Variants in MOCOS observed in about 807,000 individuals in gnomAD.
MOCOS encodes molybdenum cofactor sulfurase, also known as human molybdenum cofactor sulfurase.
A neutral mutation model predicts 83.6 loss-of-function variants in MOCOS; 86 were observed. The observed-to-expected ratio is 1.03, with a 90% confidence interval of 0.86 to 1.23. MOCOS has a LOEUF of 1.23. Among genes scored for constraint, MOCOS ranks in the 50% most tolerant of loss-of-function variants. The pLI, the probability that MOCOS is intolerant of heterozygous loss-of-function variation, is 0.00. For missense variants in MOCOS, 1,120 were observed against 1,126.9 expected, an observed-to-expected ratio of 0.99 and a Z score of 0.09; for synonymous variants, 445 against 434.7, an observed-to-expected ratio of 1.02 and a Z score of -0.29.
In MOCOS at chr18:36,187,917, G is replaced by T. The variant is rs185670285; in HGVS notation, c.142+236G>T. On this transcript the variant is annotated intron_variant, in intron 1 of 14. Transcript: ENST00000261326. ...CTTTCCGGTGGGCAGGACCAACCTA[G>T]CCGTCTTCCCCTTTTCCCGCCCTCC... Among the ~76,000 whole-genome samples the T allele has an allele frequency of 3.3e-3, 501 of 152,330 alleles. 2 individuals are homozygous for T. Among genetic ancestry groups the T allele is most frequent in the Non-Finnish European group, 5.7e-3 (389 of 68,032 alleles).
At chr18:36,198,088 T>C (rs1229258910) in intron 2 of MOCOS, among the ~76,000 whole-genome samples, 2 of 152,096 alleles carry the variant, frequency 1.3e-5, no homozygotes, top group Non-Finnish European at 2.9e-5. Flanking sequence ...TTCCTTTTTA[T>C]TGGCAAATAA....
In MOCOS at chr18:36,199,960, C is replaced by A; in HGVS notation, c.577C>A (p.Gln193Lys). The change falls in exon 4 of 15, where the codon CAG becomes AAG. Residue 193 changes from glutamine to lysine, a missense_variant. By Grantham distance (53) the Gln-to-Lys change is moderately conservative (BLOSUM62 1). Transcript: ENST00000261326. The stretch of plus-strand genomic sequence containing the variant: ...TGCTTCAGCCAGCAACCCAGACTGC[C>A]AGCTGCCGCATCTCTTCTGCTACCC... The part of the protein sequence containing the change: ...RSASASNPDC[Q>K]LPHLFCYPAQ... 2 of 1,614,238 alleles carry A rather than the reference C, an allele frequency of 1.2e-6. No homozygotes were observed. The highest frequency in any genetic ancestry group is 1.7e-6 in the Non-Finnish European group (2 of 1,180,048).
chr18:36,228,684 G>T (rs920138413), intron 9 of MOCOS, among the ~76,000 whole-genome samples: 3 of 152,126 alleles, frequency 2.0e-5, no homozygotes, highest in Non-Finnish European at 4.4e-5. Context: ...CTACAGGAGG[G>T]TGGAGGGTGG....
chr18:36,218,490 A>G (rs1310000760), intron 8 of MOCOS, among the ~76,000 whole-genome samples: 4 of 151,740 alleles, frequency 2.6e-5, no homozygotes, highest in South Asian at 2.1e-4. Context: ...CTTACTTGCT[A>G]CTCACTTTAT....
At chr18:36,210,885 CTG>C (rs1312924854) in intron 6 of MOCOS, among the ~76,000 whole-genome samples, 1 of 71,470 alleles carries the variant, frequency 1.4e-5, no homozygotes, top group African/African-American at 4.8e-5. Context: ...AAAAAAGTAA[CTG>C]TGTGTGCTGT....
chr18:36,200,101 G>A lies in MOCOS; in HGVS notation c.718G>A (p.Ala240Thr), dbSNP rs887056092. Residue 240 changes from alanine (A) to threonine (T), a missense_variant, in exon 4 of 15, where the codon GCC becomes ACC. Physicochemically the swap from Ala to Thr is moderately conservative, Grantham distance 58. Transcript: ENST00000261326. ...PGKWFVLLDA[A>T]SYVSTSPLDL... ...GAAGTGGTTTGTGCTGCTGGATGCAGCCTCCTACGTGAGCACCTCGCCTTT... is the reference window on the plus strand; with the variant it reads ...GAAGTGGTTTGTGCTGCTGGATGCAACCTCCTACGTGAGCACCTCGCCTTT... 2 of 1,614,240 alleles carry A rather than the reference G, an allele frequency of 1.2e-6. No homozygotes were observed. The highest frequency in any genetic ancestry group is 1.7e-6 in the Non-Finnish European group (2 of 1,180,040).
At chr18:36,262,720 A>G (rs1438685890) in intron 13 of MOCOS, among the ~76,000 whole-genome samples, 1 of 151,970 alleles carries the variant, frequency 6.6e-6, no homozygotes, top group Non-Finnish European at 1.5e-5. Context: ...ACTGGTTTCA[A>G]CCTCCTGGGC....
intron 7 of MOCOS, among the ~76,000 whole-genome samples, chr18:36,214,363 T>G (rs2144915565): frequency 6.7e-6 from 1 of 149,610 alleles, no homozygotes; most frequent in African/African-American, 2.5e-5. Flanking sequence ...AAGGGAGGGG[T>G]GTTAACAAGG....
chr18:36,205,151 T>C lies in MOCOS; in HGVS notation c.1093T>C (p.Tyr365His), dbSNP rs753847410. 2.5e-6 allele frequency: 4 copies of C among 1,613,840 alleles called. No homozygotes were observed. The highest frequency in any genetic ancestry group is 1.7e-5 in the Admixed American group (1 of 60,006). The change falls in exon 6 of 15, where the codon TAC becomes CAC. Residue 365 changes from tyrosine to histidine, a missense_variant. Physicochemically the swap from Tyr to His is moderately conservative, Grantham distance 83. Coordinates refer to ENST00000261326, the MANE Select transcript of MOCOS (RefSeq NM_017947.4). ...CTACGTGGCCCTGTCCTCTCTCCAG[T>C]ACCCCAATGGAGCCCCTGTGGTGCG... ...YTYVALSSLQ[Y>H]PNGAPVVRIY...
At chr18:36,214,773 G>C (rs1336643857) in intron 7 of MOCOS, among the ~76,000 whole-genome samples, 1 of 152,148 alleles carries the variant, frequency 6.6e-6, no homozygotes, top group Non-Finnish European at 1.5e-5. Flanking sequence ...TAGAGAGGGA[G>C]AGGGAGGCTC....
chr18:36,202,779 G>A (rs980755661), intron 4 of MOCOS, among the ~76,000 whole-genome samples: 2 of 152,176 alleles, frequency 1.3e-5, no homozygotes, highest in Non-Finnish European at 2.9e-5. Context: ...ATGGCGGAAA[G>A]GGAAGCAGGC....
In MOCOS at chr18:36,257,133, G is replaced by A. The variant is rs1779816274; in HGVS notation, c.2270+60G>A. ...ATAACCATTTGCCACTGGGAGCAGG[G>A]CCTGGCACCTGCCTGGAGCGGAGAG... On this transcript the variant is annotated intron_variant, in intron 12 of 14. Coordinates refer to ENST00000261326, the MANE Select transcript of MOCOS (RefSeq NM_017947.4). 4.1e-5 allele frequency: 57 copies of A among 1,405,104 alleles called. 4 individuals carry two copies. In the South Asian group the frequency reaches 6.2e-4, roughly 15 times the overall value. 87.0% of individuals were successfully genotyped at this position (1,405,104 alleles called of 1,614,324 possible).
Position 36,215,861 on chromosome 18 carries a change from G to A in MOCOS, c.1681G>A (p.Ala561Thr), listed in dbSNP as rs577502738. 1.4e-4 allele frequency: 230 copies of A among 1,614,158 alleles called. No homozygotes were observed. The East Asian group carries it at 2.9e-3, about 20-fold the overall frequency. ...TGTGGCCCCACCTGTGTGTGATGTC[G>A]CCAGAACCCAGCCGACTCCTTCAGA... ...VPVAPPVCDV[A>T]RTQPTPSEKA... is the part of the protein sequence containing the mutation. Residue 561 changes from alanine to threonine, a missense_variant, in exon 8 of 15, where the codon GCC (alanine) becomes ACC (threonine). Coordinates refer to ENST00000261326, the MANE Select transcript of MOCOS (RefSeq NM_017947.4).
chr18:36,227,914 G>A (rs1046321879), intron 9 of MOCOS, among the ~76,000 whole-genome samples: 1 of 152,148 alleles, frequency 6.6e-6, no homozygotes, highest in Non-Finnish European at 1.5e-5. Flanking sequence ...TATAGAATGG[G>A]AGAAAATTTT....
At chr18:36,224,761 A>G (rs1256636729) in intron 9 of MOCOS, among the ~76,000 whole-genome samples, 1 of 152,198 alleles carries the variant, frequency 6.6e-6, no homozygotes, top group Non-Finnish European at 1.5e-5. Context: ...TATCAAGATA[A>G]TGCTGGCCTC....
chr18:36,189,105 GTGATCTC>G (rs2091355216), intron 1 of MOCOS, among the ~76,000 whole-genome samples: 1 of 151,442 alleles, frequency 6.6e-6, no homozygotes, highest in Non-Finnish European at 1.5e-5. Context: ...TCCTCCAGCT[GTGATCTC>G]TCACGCCCAC....
At chr18:36,202,861 C>T (rs528248564) in intron 4 of MOCOS, among the ~76,000 whole-genome samples, 2 of 152,236 alleles carry the variant, frequency 1.3e-5, no homozygotes, top group African/African-American at 4.8e-5. Context: ...ACCATCAGAT[C>T]TCGTGAGAAC....
At chr18:36,241,293 T>C (rs1308206470) in intron 9 of MOCOS, among the ~76,000 whole-genome samples, 2 of 152,196 alleles carry the variant, frequency 1.3e-5, no homozygotes, top group East Asian at 3.8e-4. Context: ...CCTTCCAAGA[T>C]ATAATGGGGT....
rs1180668461 is a variant in MOCOS, at chr18:36,220,374, G to A, written c.1960+157G>A. On this transcript the variant is annotated intron_variant, in intron 9 of 14. Coordinates refer to ENST00000261326, the MANE Select transcript of MOCOS (RefSeq NM_017947.4). ...AAAAAAAAAATTATCCTGGGTGTGG[G>A]AGCACGTGCCTGTAATCTCAGCTAC... 3.3e-5 allele frequency among the ~76,000 whole-genome samples: 5 copies of A among 151,878 alleles called. No homozygotes were observed. In the East Asian group the frequency reaches 9.6e-4, roughly 29 times the overall value.
Sources: gnomAD v4.1 joint callset for allele counts (sites outside exome capture counted in the v4.1 genomes callset) on GRCh38, gnomAD v4.1.1 for gene constraint, MANE v1.5 for transcripts, NCBI Gene and HGNC (gene_info 2026-07-23, HGNC 2026-07-21) for gene names.